RFX8: variants seen among roughly 807,000 people sequenced by gnomAD.
RFX8 encodes the protein DNA-binding protein RFX8.
RFX8 carries 46 observed loss-of-function variants against 54.6 expected under a neutral mutation model. The observed-to-expected ratio is 0.84, with a 90% CI of 0.67 to 1.08. The LOEUF (loss-of-function observed/expected upper bound fraction) is 1.08. Among genes scored for constraint, RFX8 ranks in the 50% least tolerant of loss-of-function variants. The pLI, the probability that RFX8 is intolerant of heterozygous loss-of-function variation, is 0.00. For missense variants in RFX8, 536 were observed against 562.3 expected (o/e 0.95, Z 0.47); for synonymous variants, 192 against 209.5 (o/e 0.92, Z 0.72).
chr2:101,464,137 G>T (rs1356753090), intron 2 of RFX8, among the ~76,000 whole-genome samples: 1 of 152,214 alleles, frequency 6.6e-6, no homozygotes, highest in Non-Finnish European at 1.5e-5. Context: ...TCCCATATGT[G>T]TGCATGAGTG....
At chr2:101,429,585 G>A (rs758627869) in intron 2 of RFX8, among the ~76,000 whole-genome samples, 2 of 152,158 alleles carry the variant, frequency 1.3e-5, no homozygotes, top group South Asian at 2.1e-4. Context: ...GAGAAGCTGT[G>A]AGCCCAGTTC....
In RFX8 at chr2:101,470,547, G is replaced by A. The variant is rs144215129; in HGVS notation, c.-52-3647C>T. Among the ~76,000 whole-genome samples, 143 of 152,120 alleles carry A rather than the reference G, an allele frequency of 9.4e-4. 2 individuals carry two copies. Among genetic ancestry groups the A allele is most frequent in the East Asian group, 1.9e-4 (1 of 5,164 alleles). On this transcript the variant is annotated intron_variant, in intron 1 of 11. Transcript: ENST00000428343. ...ATCACTAGATTCCTTGCTTAGCTTCGTAATAACACTATTTTCCTGGTCTTG... is the reference window on the plus strand; with the variant it reads ...ATCACTAGATTCCTTGCTTAGCTTCATAATAACACTATTTTCCTGGTCTTG...
At chr2:101,401,159 C>T (rs1362441464) in intron 11 of RFX8, among the ~76,000 whole-genome samples, 2 of 152,116 alleles carry the variant, frequency 1.3e-5, no homozygotes, top group African/African-American at 4.8e-5. Context: ...CAGAGAGCAC[C>T]GAATGCAGCT....
At chr2:101,445,207 C>T (rs1037729357) in intron 2 of RFX8, among the ~76,000 whole-genome samples, 1 of 152,166 alleles carries the variant, frequency 6.6e-6, no homozygotes, top group African/African-American at 2.4e-5. Context: ...CACTGAAGTC[C>T]ACCCTCAGAC....
intron 2 of RFX8, among the ~76,000 whole-genome samples, chr2:101,423,028 C>T (rs549110969): frequency 3.0e-4 from 46 of 152,172 alleles, no homozygotes; most frequent in Admixed American, 1.2e-3. Flanking sequence ...GAGGGCGAGG[C>T]GGGTGGATCA....
intron 11 of RFX8, among the ~76,000 whole-genome samples, chr2:101,401,485 C>T (rs1298107782): frequency 6.6e-6 from 1 of 152,158 alleles, no homozygotes; most frequent in South Asian, 2.1e-4. Flanking sequence ...AATGATCGCA[C>T]CTGCCTCAAT....
rs1310377253 is a variant in RFX8 at position 101,452,381 on chromosome 2, C to T, written c.72+14396G>A. 7.7e-6 allele frequency: 11 copies of T among 1,424,616 alleles called. No homozygotes were observed. The Admixed American group carries it at 8.1e-5, about 11-fold the overall frequency. The allele number at this position is 1,424,616 out of a possible 1,614,324, so 88.2% of individuals were successfully genotyped here. Reference sequence around the variant, plus strand: ...TTGAAATAAAACAAAAATTCTAAACCTACCTGGCACTTCCTCTAGTGCCCA... The same window carrying T: ...TTGAAATAAAACAAAAATTCTAAACTTACCTGGCACTTCCTCTAGTGCCCA... On this transcript the variant is annotated intron_variant, in intron 2 of 11. Coordinates refer to ENST00000428343, the MANE Select transcript of RFX8 (RefSeq NM_001145664.2).
intron 2 of RFX8, among the ~76,000 whole-genome samples, chr2:101,443,739 C>G (rs1162027757): frequency 6.6e-6 from 1 of 152,074 alleles, no homozygotes; most frequent in Non-Finnish European, 1.5e-5. Context: ...TCTGTTACGT[C>G]AATAGGTGTA....
At chr2:101,458,497 G>A (rs1432949371) in intron 2 of RFX8, among the ~76,000 whole-genome samples, 1 of 151,824 alleles carries the variant, frequency 6.6e-6, no homozygotes, top group African/African-American at 2.4e-5. Context: ...ATGAAATTCT[G>A]GGTTGAAAAT....
intron 2 of RFX8, chr2:101,450,760 T>A: frequency 2.7e-6 from 2 of 734,586 alleles, no homozygotes; most frequent in Admixed American, 4.7e-5. Flanking sequence ...GGCGAACTAA[T>A]GAAGACTTGG....
rs1053013880 is a variant in RFX8, at chr2:101,406,065, G to GT, written c.814-9dup. The GT allele has an allele frequency of 6.7e-7, 1 of 1,500,980 alleles. No individual in the cohort carries two copies. The allele number at this position is 1,500,980 out of a possible 1,614,324, so 93.0% of individuals were successfully genotyped here. On this transcript the variant is annotated splice_polypyrimidine_tract_variant and intron_variant, in intron 9 of 11. Coordinates refer to ENST00000428343, the MANE Select transcript of RFX8 (RefSeq NM_001145664.2). Reference sequence around the variant, plus strand: ...TTCTTTGCTTCTGCTTGTCTGTTAAGTTTTTGTGAGAAAAAAGGCTGCAGT... The same window carrying GT: ...TTCTTTGCTTCTGCTTGTCTGTTAAGTTTTTTGTGAGAAAAAAGGCTGCAGT...
intron 2 of RFX8, among the ~76,000 whole-genome samples, chr2:101,430,343 A>G (rs6543050): frequency 0.74 from 112,552 of 151,760 alleles, 43,017 homozygotes; most frequent in Middle Eastern, 0.88. Flanking sequence ...AAATTCCTAC[A>G]TTGAAGCCCT....
At chr2:101,413,177 A>T in intron 7 of RFX8, 106 bp from the exon 8 acceptor site, 2 of 821,922 alleles carry the variant, frequency 2.4e-6, no homozygotes, top group South Asian at 3.1e-5. Context: ...AGAAAGAAAC[A>T]TTGATGTGGA....
chr2:101,406,823 G>A (rs1301280114), intron 9 of RFX8, among the ~76,000 whole-genome samples: 1 of 152,204 alleles, frequency 6.6e-6, no homozygotes, highest in Non-Finnish European at 1.5e-5. Flanking sequence ...ATAATGAAAA[G>A]CAGTGGTGCC....
rs1258376802 is a variant in RFX8, at chr2:101,417,658, G to A, written c.378C>T (p.Asp126=). The A allele has an allele frequency of 3.2e-6, 5 of 1,549,350 alleles. No individual in the cohort carries two copies. The East Asian group carries it at 1.2e-4, about 38-fold the overall frequency. The change falls in exon 6 of 12, where the codon GAC becomes GAT. Residue 126 remains aspartate, a synonymous_variant. Transcript: ENST00000428343. ...ACTGAATAGAAACATCTTCCAAGAAGTCATGAAGGAGAACATCCTCAATTC... is the reference window on the plus strand; with the variant it reads ...ACTGAATAGAAACATCTTCCAAGAAATCATGAAGGAGAACATCCTCAATTC... ...YKGIEDVLLH[D]FLEDVSIQYL... is the part of the protein sequence containing the mutation.
intron 1 of RFX8, among the ~76,000 whole-genome samples, chr2:101,471,822 C>G (rs1467026137): frequency 6.6e-6 from 1 of 152,228 alleles, no homozygotes; most frequent in Non-Finnish European, 1.5e-5. Flanking sequence ...ACTGATGTCT[C>G]TAAGACATGT....
intron 10 of RFX8, among the ~76,000 whole-genome samples, chr2:101,405,202 G>A (rs915108465): frequency 4.0e-5 from 6 of 150,516 alleles, no homozygotes; most frequent in African/African-American, 9.8e-5. Context: ...GCTGGAGTGC[G>A]TTGGTGCAAT....
intron 2 of RFX8, among the ~76,000 whole-genome samples, chr2:101,426,878 C>T (rs1687201834): frequency 6.6e-6 from 1 of 152,170 alleles, no homozygotes; most frequent in South Asian, 2.1e-4. Context: ...TATCACCCCC[C>T]AAAGCAAATG....
chr2:101,455,020 C>CTTTTT (rs556030262), intron 2 of RFX8, among the ~76,000 whole-genome samples: 44,048 of 141,786 alleles, frequency 0.31, 7,159 homozygotes, highest in South Asian at 0.36. Flanking sequence ...TTTCTTTTTT[C>CTTTTT]TTTTTTTTTT....
Sources: allele counts gnomAD v4.1 joint callset (sites outside exome capture counted in the v4.1 genomes callset), GRCh38; gene constraint gnomAD v4.1.1; transcripts MANE v1.5; gene names NCBI Gene and HGNC (gene_info 2026-07-23, HGNC 2026-07-21).